ADGRA3: variants seen among roughly 807,000 people sequenced by gnomAD.
The protein encoded by ADGRA3 is adhesion G protein-coupled receptor A3, also known as G-protein coupled receptor 125.
In ADGRA3, 56 loss-of-function variants were observed where a neutral mutation model predicts 119.8. That is an observed-to-expected ratio of 0.47 (90% CI 0.38 to 0.58). The LOEUF (loss-of-function observed/expected upper bound fraction) is 0.58. Among genes scored for constraint, ADGRA3 ranks in the 20% least tolerant of loss-of-function variants. ADGRA3 has a pLI of 0.00. For missense variants in ADGRA3, 1,516 were observed against 1,649.0 expected (o/e 0.92, Z 1.40); for synonymous variants, 607 against 623.8 (o/e 0.97, Z 0.40).
intron 16 of ADGRA3, among the ~76,000 whole-genome samples, chr4:22,399,321 CTTTA>C (rs1478832650): frequency 6.6e-6 from 1 of 152,160 alleles, no homozygotes; most frequent in African/African-American, 2.4e-5. Flanking sequence ...TTTTCAGCTT[CTTTA>C]AGGGCTCTTG....
intron 1 of ADGRA3, among the ~76,000 whole-genome samples, chr4:22,499,068 T>A (rs1016239487): frequency 2.0e-5 from 3 of 152,182 alleles, no homozygotes; most frequent in African/African-American, 7.2e-5. Context: ...GCAAAGATCA[T>A]GAAGCAGGCA....
chr4:22,396,339 A>G (rs1004682414), intron 16 of ADGRA3, among the ~76,000 whole-genome samples: 1 of 152,180 alleles, frequency 6.6e-6, no homozygotes, highest in Non-Finnish European at 1.5e-5. Context: ...ATTACAACCC[A>G]TTTATACTGT....
At chr4:22,406,901 C>T (rs143533864) in intron 14 of ADGRA3, among the ~76,000 whole-genome samples, 21 of 151,958 alleles carry the variant, frequency 1.4e-4, no homozygotes, top group Middle Eastern at 3.4e-3. Context: ...ATTAGCTTTC[C>T]CACCTTAAAA....
chr4:22,393,347 T>G (rs2108995740), intron 16 of ADGRA3: 1 of 152,328 alleles, frequency 6.6e-6, no homozygotes, highest in South Asian at 2.1e-4. Flanking sequence ...TTTCTAACAT[T>G]CTTTTTAAGG....
At chr4:22,459,503 C>T (rs1369005079) in intron 3 of ADGRA3, among the ~76,000 whole-genome samples, 5 of 151,798 alleles carry the variant, frequency 3.3e-5, no homozygotes, top group Admixed American at 1.3e-4. Context: ...AGGTTTTAAA[C>T]GACTAAATAA....
At chr4:22,390,361 ATACGTATTATATAT>A (rs1714073413) in intron 17 of ADGRA3, among the ~76,000 whole-genome samples, 3 of 22,486 alleles carry the variant, frequency 1.3e-4, no homozygotes, top group African/African-American at 3.0e-4. Flanking sequence ...TATATATATA[ATACGTATTATATAT>A]ATATAATACG....
intron 7 of ADGRA3, 100 bp from the exon 8 acceptor site, chr4:22,438,520 C>A: frequency 1.1e-6 from 1 of 883,630 alleles, no homozygotes; most frequent in Non-Finnish European, 1.7e-6. Context: ...TTTTTGAATG[C>A]ATATTGTGGG....
intron 4 of ADGRA3, 100 bp downstream of exon 4, chr4:22,454,766 A>G: frequency 1.2e-6 from 1 of 851,264 alleles, no homozygotes; most frequent in Non-Finnish European, 2.0e-6. Context: ...TATAACCCCT[A>G]CAGTTGCTAC....
intron 4 of ADGRA3, among the ~76,000 whole-genome samples, chr4:22,448,565 G>A (rs1168600577): frequency 6.6e-6 from 1 of 152,182 alleles, no homozygotes; most frequent in African/African-American, 2.4e-5. Flanking sequence ...ACATGTGAGA[G>A]AGAGTGACCA....
At chr4:22,496,990 C>A (rs1482164860) in intron 1 of ADGRA3, among the ~76,000 whole-genome samples, 4 of 152,214 alleles carry the variant, frequency 2.6e-5, no homozygotes, top group Non-Finnish European at 4.4e-5. Context: ...AATTAACTGG[C>A]ACCACTGGTT....
chr4:22,427,629 T>C (rs140279422), intron 10 of ADGRA3, among the ~76,000 whole-genome samples: 93 of 152,334 alleles, frequency 6.1e-4, no homozygotes, highest in African/African-American at 2.1e-3. Flanking sequence ...GAAAATGTTA[T>C]ATGCTTCTGT....
rs1719640487 is a variant in ADGRA3, at chr4:22,515,718, C to A, written c.67G>T (p.Ala23Ser). 1 of 1,063,432 alleles carries A rather than the reference C, an allele frequency of 9.4e-7. No homozygotes were observed. The allele number at this position is 1,063,432 out of a possible 1,614,324, so 65.9% of individuals were successfully genotyped here. Residue 23 changes from alanine (A) to serine (S), a missense_variant, in exon 1 of 19, where the codon GCG becomes TCG. By Grantham distance (99) the Ala-to-Ser change is moderately conservative. This residue lies in a region of ADGRA3 where 428 missense variants were observed against 541.9 expected (regional missense o/e 0.79). Transcript: ENST00000334304. ...CCGCCTCCCAGCAGCGCGAGCAGCG[C>A]TAACAGCGAGAGCGGCAGCAACAGC... Reference protein sequence around the residue: ...PPLLLPLSLLALLALLGGGGG... With the variant: ...PPLLLPLSLLSLLALLGGGGG...
chr4:22,505,614 T>C (rs28413601), intron 1 of ADGRA3, among the ~76,000 whole-genome samples: 34,701 of 146,768 alleles, frequency 0.24, 4,457 homozygotes, highest in African/African-American at 0.32. Context: ...GCCACTGCAC[T>C]CCAAGCTGGG....
At chr4:22,514,223 C>T (rs1250915982) in intron 1 of ADGRA3, among the ~76,000 whole-genome samples, 1 of 150,416 alleles carries the variant, frequency 6.6e-6, no homozygotes, top group African/African-American at 2.5e-5. Flanking sequence ...TAATTAAAGT[C>T]CCATACCGAA....
At chr4:22,450,509 G>A (rs966485966) in intron 4 of ADGRA3, among the ~76,000 whole-genome samples, 5 of 152,176 alleles carry the variant, frequency 3.3e-5, no homozygotes, top group Middle Eastern at 3.4e-3. Context: ...CAAGTGATCC[G>A]CTTGCCTCAG....
chr4:22,462,791 G>A (rs1475596880), intron 2 of ADGRA3, among the ~76,000 whole-genome samples: 3 of 152,170 alleles, frequency 2.0e-5, no homozygotes, highest in Non-Finnish European at 4.4e-5. Context: ...ACCACTTGGG[G>A]GTGGGAGGCA....
intron 5 of ADGRA3, 61 bp downstream of exon 5, chr4:22,447,379 T>G: frequency 9.6e-7 from 1 of 1,042,068 alleles, no homozygotes; most frequent in Non-Finnish European, 1.4e-6. Context: ...AATAAATGTT[T>G]TTAATTTTCA....
intron 1 of ADGRA3, among the ~76,000 whole-genome samples, chr4:22,494,043 A>T (rs1718723437): frequency 6.6e-6 from 1 of 151,938 alleles, no homozygotes; most frequent in Non-Finnish European, 1.5e-5. Context: ...TCTCTACTAA[A>T]AATACAAAAA....
intron 10 of ADGRA3, among the ~76,000 whole-genome samples, chr4:22,427,286 T>G (rs1715979596): frequency 1.3e-5 from 2 of 152,264 alleles, no homozygotes; most frequent in South Asian, 4.1e-4. Context: ...CAACTAAACT[T>G]ATTGTTTAAT....
Sources: gnomAD v4.1 joint callset for allele counts (sites outside exome capture counted in the v4.1 genomes callset) on GRCh38, gnomAD v4.1.1 for gene constraint, gnomAD v4.1.1 regional missense constraint, MANE v1.5 for transcripts, NCBI Gene and HGNC (gene_info 2026-07-23, HGNC 2026-07-21) for gene names.